Variants in SYT1 observed in about 807,000 individuals in gnomAD.
The protein encoded by SYT1 is synaptotagmin 1, also known as synaptotagmin-1.
Under a neutral mutation model 44.8 loss-of-function variants are expected in SYT1, and 8 were observed. The observed-to-expected ratio is 0.18, with a 90% CI of 0.10 to 0.32. SYT1 has a LOEUF of 0.32. Ranked by LOEUF, SYT1 falls within the 10% of genes least tolerant of loss-of-function variation. The probability of loss-of-function intolerance (pLI) is 1.00; values close to 1 mark genes in which losing one functional copy is unlikely to be tolerated. For synonymous variants in SYT1, 154 were observed against 188.8 expected (o/e 0.82, Z 1.51); for missense variants, 286 against 509.3 (o/e 0.56, Z 4.22).
At chr12:79,009,434 C>A (rs1565760513) in intron 2 of SYT1, among the ~76,000 whole-genome samples, 1 of 152,130 alleles carries the variant, frequency 6.6e-6, no homozygotes, top group Non-Finnish European at 1.5e-5. Context: ...TGGTTGTCTG[C>A]ATACTTCCTT....
intron 2 of SYT1, among the ~76,000 whole-genome samples, chr12:79,031,112 A>G (rs1410762174): frequency 6.6e-6 from 1 of 150,848 alleles, no homozygotes; most frequent in Non-Finnish European, 1.5e-5. Flanking sequence ...AATAACATCT[A>G]TTAAAATTAG....
At chr12:79,270,944 C>G (rs762132224) in intron 4 of SYT1, among the ~76,000 whole-genome samples, 2 of 152,136 alleles carry the variant, frequency 1.3e-5, no homozygotes, top group African/African-American at 2.4e-5. Context: ...TGCGTAGAAC[C>G]GCATAGAGCC....
At chr12:79,009,418 A>T (rs929413946) in intron 2 of SYT1, among the ~76,000 whole-genome samples, 1 of 152,158 alleles carries the variant, frequency 6.6e-6, no homozygotes, top group African/African-American at 2.4e-5. Flanking sequence ...ACCTCAGAAT[A>T]ATCTTTGGTT....
Position 79,368,337 on chromosome 12 carries a change from GA to G in SYT1, c.928+14720del, listed in dbSNP as rs1303303418. 1.5e-4 allele frequency among the ~76,000 whole-genome samples: 23 copies of G among 152,212 alleles called. No individual in the cohort carries two copies. The East Asian group carries it at 3.9e-3, about 26-fold the overall frequency. ...ATTGGTTCCAAGTCTTTGCTATTGT[GA>G]ATAGTGCCTCAATAAACATACGTGT... On this transcript the variant is annotated intron_variant, in intron 9 of 10. Coordinates refer to ENST00000261205, the MANE Select transcript of SYT1 (RefSeq NM_005639.3).
chr12:79,368,195 A>C (rs756315380), intron 9 of SYT1, among the ~76,000 whole-genome samples: 1 of 151,754 alleles, frequency 6.6e-6, no homozygotes, highest in Non-Finnish European at 1.5e-5. Flanking sequence ...ATGACTTCCA[A>C]TTTCATCCAT....
intron 9 of SYT1, among the ~76,000 whole-genome samples, chr12:79,405,208 TCTGCAAAGC>T (rs1885201851): frequency 6.6e-6 from 1 of 152,186 alleles, no homozygotes; most frequent in Non-Finnish European, 1.5e-5. Context: ...TCAAATGAAA[TCTGCAAAGC>T]CTCCATATAC....
intron 2 of SYT1, among the ~76,000 whole-genome samples, chr12:79,045,293 G>T (rs556726577): frequency 6.6e-6 from 1 of 152,314 alleles, no homozygotes; most frequent in South Asian, 2.1e-4. Context: ...CGTAGGACCC[G>T]CCGAGCCAGG....
intron 9 of SYT1, 77 bp downstream of exon 9, chr12:79,353,696 G>A (rs939447584): frequency 2.6e-5 from 27 of 1,025,182 alleles, no homozygotes; most frequent in South Asian, 1.0e-4. Context: ...CACATGCTGC[G>A]ACTCCCCACT....
intron 8 of SYT1, among the ~76,000 whole-genome samples, chr12:79,349,031 GAAAA>G (rs1169408777): frequency 3.6e-5 from 3 of 83,626 alleles, no homozygotes; most frequent in African/African-American, 1.0e-4. Flanking sequence ...AAGAAAGAAA[GAAAA>G]AGAAAGAAAG....
chr12:78,931,310 AGGGAGG>A (rs1877698656), intron 1 of SYT1, among the ~76,000 whole-genome samples: 1 of 15,242 alleles, frequency 6.6e-5, no homozygotes, highest in African/African-American at 3.3e-4. Context: ...AAGGAAGGAG[AGGGAGG>A]GAGGGAGGGA....
At chr12:79,082,901 G>T (rs558080126) in intron 3 of SYT1, among the ~76,000 whole-genome samples, 1 of 152,146 alleles carries the variant, frequency 6.6e-6, no homozygotes, top group South Asian at 2.1e-4. Flanking sequence ...GTCTTCTCAG[G>T]CTTTGAGTAG....
chr12:79,282,508 T>C (rs552412776), intron 4 of SYT1, among the ~76,000 whole-genome samples: 2 of 152,340 alleles, frequency 1.3e-5, no homozygotes, highest in South Asian at 4.1e-4. Context: ...GTAATGGTAG[T>C]TGGGTAGCAA....
At chr12:79,442,825 C>T (rs996525666) in intron 9 of SYT1, among the ~76,000 whole-genome samples, 1 of 151,866 alleles carries the variant, frequency 6.6e-6, no homozygotes, top group Non-Finnish European at 1.5e-5. Context: ...CTACATGTTC[C>T]GAGAGAGAGG....
chr12:78,965,183 T>C (rs1341859340), intron 1 of SYT1, among the ~76,000 whole-genome samples: 1 of 152,188 alleles, frequency 6.6e-6, no homozygotes, highest in Non-Finnish European at 1.5e-5. Flanking sequence ...CCTCACCATA[T>C]TGGAAATCAA....
intron 3 of SYT1, among the ~76,000 whole-genome samples, chr12:79,131,774 A>G (rs1464840380): frequency 6.6e-6 from 1 of 152,190 alleles, no homozygotes; most frequent in East Asian, 1.9e-4. Flanking sequence ...CTGTTTTTCT[A>G]TGGAAAGTTA....
At chr12:79,094,580 C>T (rs1565803782) in intron 3 of SYT1, among the ~76,000 whole-genome samples, 1 of 151,758 alleles carries the variant, frequency 6.6e-6, no homozygotes, top group Non-Finnish European at 1.5e-5. Flanking sequence ...ATATAAAACT[C>T]ACCAATTTAT....
chr12:78,945,549 T>C (rs1878609590), intron 1 of SYT1, among the ~76,000 whole-genome samples: 1 of 151,806 alleles, frequency 6.6e-6, no homozygotes, highest in African/African-American at 2.4e-5. Flanking sequence ...AATGATGTGA[T>C]TAGGCAAATG....
At chr12:79,383,620 C>A (rs1024955950) in intron 9 of SYT1, among the ~76,000 whole-genome samples, 1 of 152,092 alleles carries the variant, frequency 6.6e-6, no homozygotes, top group Admixed American at 6.5e-5. Flanking sequence ...GCAGAATTTA[C>A]AGTATTAGAC....
chr12:79,398,048 T>C (rs1884937306), intron 9 of SYT1, among the ~76,000 whole-genome samples: 1 of 152,224 alleles, frequency 6.6e-6, no homozygotes, highest in Non-Finnish European at 1.5e-5. Context: ...AAGTTAACCT[T>C]CTAATTGAAT....
Sources: allele counts gnomAD v4.1 joint callset (sites outside exome capture counted in the v4.1 genomes callset), GRCh38; gene constraint gnomAD v4.1.1; transcripts MANE v1.5; gene names NCBI Gene and HGNC (gene_info 2026-07-23, HGNC 2026-07-21).